BBX: variants seen among roughly 807,000 people sequenced by gnomAD.
BBX encodes HMG box transcription factor BBX.
BBX carries 30 observed loss-of-function variants against 100.2 expected under a neutral mutation model. The ratio of observed to expected loss-of-function variants is 0.30; its 90% CI spans 0.22 to 0.41. The LOEUF is 0.41. BBX is among the 10% of genes least tolerant of loss of function. The pLI is 1.00. For synonymous variants in BBX, 376 were observed against 388.1 expected, an observed-to-expected ratio of 0.97 and a Z score of 0.37; for missense variants, 1,023 against 1,129.8, an observed-to-expected ratio of 0.91 and a Z score of 1.35.
chr3:107,725,352 A>T (rs919907911), intron 5 of BBX, among the ~76,000 whole-genome samples: 19 of 152,278 alleles, frequency 1.2e-4, no homozygotes, highest in African/African-American at 4.6e-4. Flanking sequence ...TGTCATCTGC[A>T]AATAGGGACA....
intron 2 of BBX, among the ~76,000 whole-genome samples, chr3:107,611,410 A>G (rs753627889): frequency 1.3e-5 from 2 of 152,154 alleles, no homozygotes; most frequent in African/African-American, 2.4e-5. Flanking sequence ...CTTTCCTTGT[A>G]GGACAGATCT....
At chr3:107,728,651 C>A (rs529040015) in intron 5 of BBX, 114 bp from the exon 6 acceptor site, 3 of 866,558 alleles carry the variant, frequency 3.5e-6, no homozygotes, top group African/African-American at 3.4e-5. Context: ...CCACAGAAGT[C>A]ACTGAAATTG....
chr3:107,555,727 C>G lies in BBX; in HGVS notation c.-84+29329C>G, dbSNP rs192692339. ...CTCTTCTTGAATGCTGAAAGCGTCT[C>G]TGGTTTCATCCTGTGAAATCATGGA... On this transcript the variant is annotated intron_variant, in intron 2 of 17. Coordinates refer to ENST00000325805, the MANE Select transcript of BBX (RefSeq NM_001142568.3). Among the ~76,000 whole-genome samples, 245 of 152,246 alleles carry G rather than the reference C, an allele frequency of 1.6e-3. 1 individual carries two copies. The highest frequency in any genetic ancestry group is 5.7e-3 in the African/African-American group (235 of 41,556).
chr3:107,523,404 G>C (rs1398646221), intron 1 of BBX: 2 of 153,928 alleles, frequency 1.3e-5, no homozygotes, highest in African/African-American at 2.4e-5. Flanking sequence ...GCTGGGGCCG[G>C]GGGGCGGGGG....
intron 6 of BBX, among the ~76,000 whole-genome samples, chr3:107,729,639 A>G (rs1012354360): frequency 6.6e-6 from 1 of 152,202 alleles, no homozygotes; most frequent in African/African-American, 2.4e-5. Context: ...ATTACAGTGC[A>G]GTAATCAAAA....
In BBX at chr3:107,806,378, T is replaced by G. The variant is rs983837196; in HGVS notation, c.*921T>G. On this transcript the variant is annotated 3_prime_UTR_variant, in exon 18 of 18. Coordinates refer to ENST00000325805, the MANE Select transcript of BBX (RefSeq NM_001142568.3). ...ACAAAAATATTATTCAGAAGTGACCTTAGTATTACTTCACTATTCTAAACA... is the reference window on the plus strand; with the variant it reads ...ACAAAAATATTATTCAGAAGTGACCGTAGTATTACTTCACTATTCTAAACA... 3.9e-5 allele frequency: 6 copies of G among 152,210 alleles called. No individual in the cohort carries two copies. Among genetic ancestry groups the G allele is most frequent in the African/African-American group, 1.4e-4 (6 of 41,460 alleles). The allele number at this position is 152,210 out of a possible 1,614,324, so 9.4% of individuals were successfully genotyped here. A position where few individuals can be genotyped will look rare whatever the true frequency, so the allele number is the denominator to read the frequency against.
chr3:107,620,930 CGG>C lies in BBX; in HGVS notation c.-83-24905_-83-24904del, dbSNP rs1164445604. Among the ~76,000 whole-genome samples, 20 of 91,728 alleles carry C rather than the reference CGG, an allele frequency of 2.2e-4. No individual in the cohort carries two copies. In the East Asian group the frequency reaches 4.1e-3, roughly 19 times the overall value. 60.2% of individuals were successfully genotyped at this position (91,728 alleles called of 152,430 possible). ...TGTGTCGCCACATGATTGATTTCTG[CGG>C]AGTGTGTGTGTGGGGGGGTGGGGGG... On this transcript the variant is annotated intron_variant, in intron 2 of 17. Coordinates refer to ENST00000325805, the MANE Select transcript of BBX (RefSeq NM_001142568.3).
chr3:107,707,201 G>T (rs1278656508), intron 3 of BBX, among the ~76,000 whole-genome samples: 1 of 152,098 alleles, frequency 6.6e-6, no homozygotes, highest in Non-Finnish European at 1.5e-5. Context: ...CTGTACTAGG[G>T]GTTGCCAGCC....
intron 2 of BBX, among the ~76,000 whole-genome samples, chr3:107,589,602 A>C (rs1023219198): frequency 6.6e-6 from 1 of 152,192 alleles, no homozygotes; most frequent in Non-Finnish European, 1.5e-5. Context: ...CCACCAAAGG[A>C]AGCATGAAAG....
chr3:107,569,934 T>A (rs1056616128), intron 2 of BBX, among the ~76,000 whole-genome samples: 1 of 151,688 alleles, frequency 6.6e-6, no homozygotes, highest in South Asian at 2.1e-4. Flanking sequence ...TGGGAAGGAG[T>A]CAGTCAGAGA....
intron 15 of BBX, among the ~76,000 whole-genome samples, chr3:107,792,682 G>T (rs1329931670): frequency 6.6e-6 from 1 of 152,128 alleles, no homozygotes; most frequent in Non-Finnish European, 1.5e-5. Context: ...GAATTCTGCT[G>T]TTCACAGCAT....
intron 2 of BBX, among the ~76,000 whole-genome samples, chr3:107,641,533 T>C (rs1425873215): frequency 1.3e-5 from 2 of 152,262 alleles, no homozygotes; most frequent in Admixed American, 6.5e-5. Flanking sequence ...TGTTTTCTTA[T>C]ACTTTTTTTT....
intron 8 of BBX, among the ~76,000 whole-genome samples, chr3:107,747,605 G>C (rs1248282016): frequency 6.6e-6 from 1 of 151,910 alleles, no homozygotes; most frequent in Admixed American, 6.6e-5. Flanking sequence ...AGAGAGTGAG[G>C]GAGTGGCTTC....
intron 7 of BBX, among the ~76,000 whole-genome samples, chr3:107,736,692 C>T (rs1019433617): frequency 1.3e-5 from 2 of 152,026 alleles, no homozygotes; most frequent in Admixed American, 1.3e-4. Flanking sequence ...AAAAACAAGG[C>T]AGGGAGTGAT....
intron 2 of BBX, among the ~76,000 whole-genome samples, chr3:107,540,725 A>G (rs549919245): frequency 4.0e-4 from 61 of 152,276 alleles, no homozygotes; most frequent in Middle Eastern, 3.4e-3. Flanking sequence ...GGAGTTTATG[A>G]TTGAATTATT....
At chr3:107,577,108 C>G (rs1052318821) in intron 2 of BBX, among the ~76,000 whole-genome samples, 1 of 152,140 alleles carries the variant, frequency 6.6e-6, no homozygotes, top group Non-Finnish European at 1.5e-5. Flanking sequence ...ATCCACCCAC[C>G]TCAGCCTCCC....
intron 9 of BBX, among the ~76,000 whole-genome samples, chr3:107,749,073 T>A (rs934714019): frequency 6.6e-6 from 1 of 152,158 alleles, no homozygotes; most frequent in Non-Finnish European, 1.5e-5. Flanking sequence ...TTGGCCTGCT[T>A]ATGTATTAGG....
chr3:107,693,592 G>C (rs1053823583), intron 3 of BBX, among the ~76,000 whole-genome samples: 11 of 151,804 alleles, frequency 7.2e-5, no homozygotes, highest in Admixed American at 5.2e-4. Context: ...TGCTGTTTTG[G>C]TTACTGTAGC....
At chr3:107,624,740 G>A (rs767058339) in intron 2 of BBX, among the ~76,000 whole-genome samples, 7 of 152,006 alleles carry the variant, frequency 4.6e-5, no homozygotes, top group Non-Finnish European at 8.8e-5. Context: ...ATGATGGTGG[G>A]TGCCTGTAAT....
Sources: gnomAD v4.1 joint callset for allele counts (sites outside exome capture counted in the v4.1 genomes callset) on GRCh38, gnomAD v4.1.1 for gene constraint, MANE v1.5 for transcripts, NCBI Gene and HGNC (gene_info 2026-07-23, HGNC 2026-07-21) for gene names.